The following COL21A1 variants were observed in gnomAD, a reference collection of about 807,000 sequenced individuals.
The protein encoded by COL21A1 is collagen alpha-1(XXI) chain.
COL21A1 carries 149 observed loss-of-function variants against 137.9 expected under a neutral mutation model. The observed-to-expected ratio is 1.08, with a 90% CI of 0.95 to 1.24. The LOEUF (loss-of-function observed/expected upper bound fraction) is 1.24, where lower values mean the gene tolerates loss of function less well. Among genes scored for constraint, COL21A1 ranks in the 50% most tolerant of loss-of-function variants. The pLI is 0.00. For missense variants in COL21A1, 1,167 were observed against 1,158.4 expected (o/e 1.01, Z -0.11); for synonymous variants, 456 against 391.5 (o/e 1.16, Z -1.95).
intron 7 of COL21A1, among the ~76,000 whole-genome samples, chr6:56,166,285 C>T (rs1776574707): frequency 1.3e-5 from 2 of 151,930 alleles, no homozygotes; most frequent in South Asian, 4.2e-4. Context: ...TCAAAGCATC[C>T]TACATTTTTC....
intron 1 of COL21A1, chr6:56,276,632 T>C (rs1034421079): frequency 6.9e-7 from 1 of 1,439,014 alleles, no homozygotes; most frequent in South Asian, 1.1e-5. Flanking sequence ...TTTCTCAAAA[T>C]CAATTTCTGG....
At chr6:56,393,442 GA>G (rs1456929860) in intron 1 of COL21A1, among the ~76,000 whole-genome samples, 1 of 151,082 alleles carries the variant, frequency 6.6e-6, no homozygotes, top group Non-Finnish European at 1.5e-5. Context: ...TCTGGGCAAA[GA>G]TTTTTGGAGT....
intron 1 of COL21A1, among the ~76,000 whole-genome samples, chr6:56,321,491 GT>G (rs1301727711): frequency 6.6e-6 from 1 of 152,066 alleles, no homozygotes; most frequent in East Asian, 1.9e-4. Flanking sequence ...CTCACTTTAT[GT>G]TTTTTTGCTA....
At chr6:56,205,666 C>T (rs1779728846) in intron 1 of COL21A1, among the ~76,000 whole-genome samples, 1 of 151,922 alleles carries the variant, frequency 6.6e-6, no homozygotes, top group Admixed American at 6.6e-5. Context: ...GAAGAGAAAC[C>T]CCAGGACACA....
intron 16 of COL21A1, among the ~76,000 whole-genome samples, chr6:56,121,547 CATATGT>C (rs1025312935): frequency 9.2e-5 from 13 of 141,160 alleles, no homozygotes; most frequent in Non-Finnish European, 1.2e-4. Flanking sequence ...TATGTATATT[CATATGT>C]ATATGTGTAT....
intron 1 of COL21A1, among the ~76,000 whole-genome samples, chr6:56,275,831 T>G (rs867990914): frequency 1.2e-4 from 18 of 152,164 alleles, no homozygotes; most frequent in African/African-American, 4.1e-4. Context: ...TCAAAGAATT[T>G]AAAACAGAGC....
At chr6:56,065,431 G>T (rs933664584) in intron 23 of COL21A1, among the ~76,000 whole-genome samples, 9 of 152,120 alleles carry the variant, frequency 5.9e-5, no homozygotes, top group South Asian at 4.1e-4. Context: ...TGGCCTTCAA[G>T]TCACTCACTG....
chr6:56,187,518 C>T (rs887437922), intron 1 of COL21A1, among the ~76,000 whole-genome samples: 2 of 152,104 alleles, frequency 1.3e-5, no homozygotes, highest in African/African-American at 2.4e-5. Flanking sequence ...AATAGAGTTT[C>T]GGTAACAGAC....
chr6:56,190,258 T>C (rs1456480977), intron 1 of COL21A1, among the ~76,000 whole-genome samples: 1 of 152,152 alleles, frequency 6.6e-6, no homozygotes, highest in African/African-American at 2.4e-5. Context: ...ATATAGGGGA[T>C]ATCACCACTG....
Position 56,171,129 on chromosome 6 carries a change from C to G in COL21A1, c.641-1G>C. 6.3e-7 allele frequency: 1 copy of G among 1,577,160 alleles called. No individual in the cohort carries two copies. The highest frequency in any genetic ancestry group is 8.6e-7 in the Non-Finnish European group (1 of 1,165,982). On this transcript the variant is annotated splice_acceptor_variant, in intron 3 of 29. Coordinates refer to ENST00000244728, the MANE Select transcript of COL21A1 (RefSeq NM_030820.4). LOFTEE classifies it high-confidence loss of function. ...GGAATTCGTGTTGGACAGACAGATT[C>G]TATAAAGCAAAAGCAATAAAAGTTG...
intron 1 of COL21A1, among the ~76,000 whole-genome samples, chr6:56,267,394 G>C (rs1230926296): frequency 6.6e-6 from 1 of 152,130 alleles, no homozygotes; most frequent in Non-Finnish European, 1.5e-5. Flanking sequence ...CCAGCAACTT[G>C]AGAAATCACT....
intron 5 of COL21A1, 95 bp downstream of exon 5, chr6:56,170,554 G>T: frequency 1.3e-6 from 1 of 770,588 alleles, no homozygotes; most frequent in Non-Finnish European, 2.1e-6. Context: ...TTCCAATCAT[G>T]TTAAAATTAT....
At chr6:56,108,309 A>G (rs1401844988) in intron 16 of COL21A1, among the ~76,000 whole-genome samples, 1 of 152,016 alleles carries the variant, frequency 6.6e-6, no homozygotes, top group Admixed American at 6.5e-5. Context: ...AAATAAAAAA[A>G]TTCAGATTGC....
chr6:56,201,955 GA>G (rs1779436673), intron 1 of COL21A1, among the ~76,000 whole-genome samples: 2 of 151,922 alleles, frequency 1.3e-5, no homozygotes, highest in South Asian at 2.1e-4. Context: ...CTCAGTTACT[GA>G]ATATTATTTA....
chr6:56,150,514 TCACACACA>T lies in COL21A1; in HGVS notation c.1434+6365_1434+6372del, dbSNP rs747022399. 1.2e-3 allele frequency among the ~76,000 whole-genome samples: 54 copies of T among 46,192 alleles called. No individual in the cohort carries two copies. In the East Asian group the frequency reaches 0.026, roughly 23 times the overall value. 30.3% of individuals were successfully genotyped at this position (46,192 alleles called of 152,430 possible). On this transcript the variant is annotated intron_variant, in intron 10 of 29. Transcript: ENST00000244728. ...GCCTGGGCGACAGAGCGAGACTCCA[TCACACACA>T]CACACACACACACACACACACACAC...
intron 1 of COL21A1, among the ~76,000 whole-genome samples, chr6:56,252,639 A>T (rs72877933): frequency 0.015 from 2,315 of 152,284 alleles, 26 homozygotes; most frequent in South Asian, 0.024. Context: ...TTAATCTACT[A>T]GATGTATAAA....
chr6:56,162,614 A>T (rs1776274985), intron 9 of COL21A1, among the ~76,000 whole-genome samples: 1 of 152,206 alleles, frequency 6.6e-6, no homozygotes, highest in African/African-American at 2.4e-5. Flanking sequence ...TGGAGATGGT[A>T]GAGGTGGCTT....
intron 1 of COL21A1, among the ~76,000 whole-genome samples, chr6:56,209,282 A>T (rs1779998759): frequency 6.6e-6 from 1 of 152,190 alleles, no homozygotes; most frequent in Non-Finnish European, 1.5e-5. Context: ...GACAAATGGG[A>T]TCTAATTAAA....
intron 16 of COL21A1, among the ~76,000 whole-genome samples, chr6:56,115,655 T>C (rs888334045): frequency 6.6e-6 from 1 of 152,114 alleles, no homozygotes; most frequent in African/African-American, 2.4e-5. Context: ...CAGGAAAACA[T>C]GACCTCACCA....
Sources: gnomAD v4.1 joint callset for allele counts (sites outside exome capture counted in the v4.1 genomes callset) on GRCh38, gnomAD v4.1.1 for gene constraint, MANE v1.5 for transcripts, NCBI Gene and HGNC (gene_info 2026-07-23, HGNC 2026-07-21) for gene names.